Variants in CTNNA3 observed in about 807,000 individuals in gnomAD.
CTNNA3 encodes catenin alpha-3.
CTNNA3 carries 76 observed loss-of-function variants against 95.7 expected under a neutral mutation model. That is an observed-to-expected ratio of 0.79 (90% CI 0.66 to 0.96). The LOEUF (loss-of-function observed/expected upper bound fraction) is 0.96, where lower values mean the gene tolerates loss of function less well. Ranked by LOEUF, CTNNA3 falls within the 40% of genes least tolerant of loss-of-function variation. The pLI is 0.00. For synonymous variants in CTNNA3, 431 were observed against 374.4 expected, an observed-to-expected ratio of 1.15 and a Z score of -1.74; for missense variants, 1,191 against 1,089.8, an observed-to-expected ratio of 1.09 and a Z score of -1.31.
At chr10:67,073,529 T>C (rs1040688001) in intron 7 of CTNNA3, among the ~76,000 whole-genome samples, 1 of 151,278 alleles carries the variant, frequency 6.6e-6, no homozygotes, top group African/African-American at 2.4e-5. Context: ...TAAACAAGTA[T>C]CAACAAAAAT....
At chr10:67,175,714 A>G (rs1288543238) in intron 7 of CTNNA3, among the ~76,000 whole-genome samples, 6 of 152,124 alleles carry the variant, frequency 3.9e-5, no homozygotes, top group African/African-American at 1.4e-4. Flanking sequence ...TAACTTTACT[A>G]ATAATTATAT....
intron 7 of CTNNA3, among the ~76,000 whole-genome samples, chr10:66,860,990 T>G (rs889216434): frequency 1.2e-4 from 18 of 152,286 alleles, no homozygotes; most frequent in African/African-American, 3.8e-4. Context: ...TCCTCTCTCA[T>G]GGGGGAGGCC....
chr10:66,943,518 C>T (rs1313349808), intron 7 of CTNNA3, among the ~76,000 whole-genome samples: 1 of 61,804 alleles, frequency 1.6e-5, no homozygotes, highest in Non-Finnish European at 4.8e-5. Flanking sequence ...ATTCCCCCAC[C>T]CTTTTTTTTT....
At chr10:65,956,715 T>C (rs2133226145) in intron 17 of CTNNA3, among the ~76,000 whole-genome samples, 1 of 152,354 alleles carries the variant, frequency 6.6e-6, no homozygotes. Flanking sequence ...AGTTTCTTAA[T>C]CCTGAGTCCT....
chr10:67,044,050 G>A (rs1238103168), intron 7 of CTNNA3, among the ~76,000 whole-genome samples: 1 of 151,914 alleles, frequency 6.6e-6, no homozygotes, highest in East Asian at 1.9e-4. Context: ...CACCCAGGTA[G>A]TAAACATAGT....
chr10:66,084,158 G>GAAAT, intron 14 of CTNNA3, among the ~76,000 whole-genome samples: 1 of 135,324 alleles, frequency 7.4e-6, no homozygotes, highest in South Asian at 2.7e-4. Context: ...GAAAAAAAAA[G>GAAAT]AAAAAGAAAA....
intron 9 of CTNNA3, among the ~76,000 whole-genome samples, chr10:66,645,019 C>A (rs1012477169): frequency 2.6e-5 from 4 of 152,100 alleles, no homozygotes; most frequent in Admixed American, 6.5e-5. Context: ...AGTATGTAAT[C>A]TTTTGGGATT....
At chr10:67,325,936 T>C (rs1296412083) in intron 5 of CTNNA3, among the ~76,000 whole-genome samples, 1 of 152,194 alleles carries the variant, frequency 6.6e-6, no homozygotes, top group Non-Finnish European at 1.5e-5. Flanking sequence ...CATAGGTATT[T>C]AGGATCTTCT....
At chr10:66,273,661 A>G (rs1040533553) in intron 13 of CTNNA3, among the ~76,000 whole-genome samples, 20 of 152,192 alleles carry the variant, frequency 1.3e-4, no homozygotes, top group African/African-American at 4.6e-4. Flanking sequence ...CAAAAATATC[A>G]AAAGGAATGT....
intron 6 of CTNNA3, among the ~76,000 whole-genome samples, chr10:67,202,965 T>G (rs1863715220): frequency 6.6e-6 from 1 of 152,222 alleles, no homozygotes; most frequent in African/African-American, 2.4e-5. Flanking sequence ...ATTGCTTATT[T>G]TAGTTTACAT....
intron 2 of CTNNA3, among the ~76,000 whole-genome samples, chr10:67,624,186 C>T (rs1221879006): frequency 6.6e-6 from 1 of 152,124 alleles, no homozygotes; most frequent in Non-Finnish European, 1.5e-5. Context: ...CTTTGATACT[C>T]CCTAATCTGC....
intron 5 of CTNNA3, among the ~76,000 whole-genome samples, chr10:67,388,692 T>G (rs931801681): frequency 1.3e-4 from 19 of 151,700 alleles, no homozygotes; most frequent in Admixed American, 3.3e-4. Flanking sequence ...GGGAAGCCCA[T>G]CAGACTAACA....
At chr10:66,682,455 G>T (rs1316261257) in intron 9 of CTNNA3, among the ~76,000 whole-genome samples, 1 of 151,842 alleles carries the variant, frequency 6.6e-6, no homozygotes, top group Non-Finnish European at 1.5e-5. Context: ...ATTAAAATAT[G>T]GATGGAAGGA....
At chr10:66,597,126 C>T (rs1207817670) in intron 10 of CTNNA3, among the ~76,000 whole-genome samples, 1 of 151,734 alleles carries the variant, frequency 6.6e-6, no homozygotes, top group Non-Finnish European at 1.5e-5. Context: ...TTAAAATTCT[C>T]CAGTCACAGA....
intron 2 of CTNNA3, among the ~76,000 whole-genome samples, chr10:67,614,125 CTGCTGATTGGTCCATTTTACAGAG>C (rs1843570292): frequency 6.6e-6 from 1 of 152,182 alleles, no homozygotes; most frequent in Admixed American, 6.5e-5. Flanking sequence ...CGCCCATGTC[CTGCTGATTGGTCCATTTTACAGAG>C]TGCTGATTGG....
At position 67,237,122 on chromosome 10, in the gene CTNNA3, G is replaced by GTATATATATATATA. The variant is rs769498914; in HGVS notation, c.580-17253_580-17252insTATATATATATATA. Reference sequence around the variant, plus strand: ...AATGAGTGGATAAAGAAACTATGGTGTATGTATATATATATATATATATAT... The same window carrying GTATATATATATATA: ...AATGAGTGGATAAAGAAACTATGGTGTATATATATATATATATGTATATATATATATATATATAT... On this transcript the variant is annotated intron_variant, in intron 5 of 17. Coordinates refer to ENST00000433211, the MANE Select transcript of CTNNA3 (RefSeq NM_013266.4). 2.0e-4 allele frequency among the ~76,000 whole-genome samples: 16 copies of GTATATATATATATA among 79,634 alleles called. 2 individuals are homozygous for GTATATATATATATA. The highest frequency in any genetic ancestry group is 3.2e-4 in the Non-Finnish European group (11 of 34,816). The allele number at this position is 79,634 out of a possible 152,430, so 52.2% of individuals were successfully genotyped here.
chr10:67,204,455 G>C (rs902570383), intron 6 of CTNNA3, among the ~76,000 whole-genome samples: 1 of 152,080 alleles, frequency 6.6e-6, no homozygotes, highest in South Asian at 2.1e-4. Context: ...AAAGTTTCCT[G>C]AGGCTGCCCA....
At chr10:66,266,130 AG>A (rs1307377986) in intron 13 of CTNNA3, among the ~76,000 whole-genome samples, 42 of 151,168 alleles carry the variant, frequency 2.8e-4, no homozygotes, top group Admixed American at 2.8e-3. Context: ...GAAGGAAAGA[AG>A]GAAGGAAGGA....
At chr10:66,214,513 A>G (rs2088385032) in intron 13 of CTNNA3, among the ~76,000 whole-genome samples, 1 of 152,168 alleles carries the variant, frequency 6.6e-6, no homozygotes, top group African/African-American at 2.4e-5. Context: ...AAGGAAATGT[A>G]TTCCTCTTGT....
Sources: gnomAD v4.1 joint callset for allele counts (sites outside exome capture counted in the v4.1 genomes callset) on GRCh38, gnomAD v4.1.1 for gene constraint, MANE v1.5 for transcripts, NCBI Gene and HGNC (gene_info 2026-07-23, HGNC 2026-07-21) for gene names.